Variants in KCNQ5 observed in about 807,000 individuals in gnomAD.
KCNQ5 encodes the protein potassium voltage-gated channel subfamily Q member 5, also known as potassium voltage-gated channel subfamily KQT member 5.
KCNQ5 carries 30 observed loss-of-function variants against 98.2 expected under a neutral mutation model. The ratio of observed to expected loss-of-function variants is 0.31; its 90% CI spans 0.23 to 0.41. The LOEUF (loss-of-function observed/expected upper bound fraction) is 0.41, where lower values mean the gene tolerates loss of function less well. Ranked by LOEUF, KCNQ5 falls within the 10% of genes least tolerant of loss-of-function variation. KCNQ5 has a pLI of 1.00. For missense variants in KCNQ5, 835 were observed against 1,182.5 expected, an observed-to-expected ratio of 0.71 and a Z score of 4.31; for synonymous variants, 458 against 449.4, an observed-to-expected ratio of 1.02 and a Z score of -0.24.
At chr6:72,980,471 T>A (rs1768384038) in intron 1 of KCNQ5, among the ~76,000 whole-genome samples, 2 of 152,206 alleles carry the variant, frequency 1.3e-5, no homozygotes, top group Admixed American at 1.3e-4. Flanking sequence ...GATTTGGCTC[T>A]GTTTGTCTGT....
chr6:73,067,868 A>G (rs1773123004), intron 3 of KCNQ5, among the ~76,000 whole-genome samples: 1 of 348 alleles, frequency 2.9e-3, no homozygotes, highest in Non-Finnish European at 0.012. Context: ...CAAAAGATAT[A>G]TATATATATA....
intron 1 of KCNQ5, among the ~76,000 whole-genome samples, chr6:72,852,782 T>C (rs964584266): frequency 1.3e-5 from 2 of 150,666 alleles, no homozygotes; most frequent in Non-Finnish European, 3.0e-5. Context: ...GTCAAACAAT[T>C]ATATAAACAT....
intron 1 of KCNQ5, among the ~76,000 whole-genome samples, chr6:72,703,608 C>T (rs188941841): frequency 2.7e-4 from 41 of 152,268 alleles, no homozygotes; most frequent in African/African-American, 9.1e-4. Flanking sequence ...TTCCTGTAAA[C>T]AAGCATTTGC....
At chr6:73,093,941 A>C (rs1421964954) in intron 5 of KCNQ5, among the ~76,000 whole-genome samples, 1 of 152,126 alleles carries the variant, frequency 6.6e-6, no homozygotes, top group Non-Finnish European at 1.5e-5. Context: ...GGTATAGTTT[A>C]AATCCATTGT....
At chr6:73,014,427 G>A (rs1162077106) in intron 2 of KCNQ5, among the ~76,000 whole-genome samples, 1 of 152,056 alleles carries the variant, frequency 6.6e-6, no homozygotes, top group African/African-American at 2.4e-5. Flanking sequence ...GCCTGTCTCA[G>A]TATATTTGCT....
chr6:72,960,315 A>G (rs1188942958), intron 1 of KCNQ5, among the ~76,000 whole-genome samples: 1 of 152,214 alleles, frequency 6.6e-6, no homozygotes, highest in African/African-American at 2.4e-5. Flanking sequence ...TGAAATAAAC[A>G]TCTCCAGTCC....
In KCNQ5 at chr6:72,835,508, C is replaced by T. The variant is rs1302529168; in HGVS notation, c.399-168400C>T. 2.6e-5 allele frequency among the ~76,000 whole-genome samples: 4 copies of T among 152,092 alleles called. No homozygotes were observed. The South Asian group carries it at 8.3e-4, about 32-fold the overall frequency. On this transcript the variant is annotated intron_variant, in intron 1 of 13. Coordinates refer to ENST00000370398, the MANE Select transcript of KCNQ5 (RefSeq NM_019842.4). ...TCACAAAATAAGGAATATATTTTTT[C>T]ATCAATGAAATTTCACTCACTATTT...
At chr6:72,670,647 G>C (rs1388048698) in intron 1 of KCNQ5, among the ~76,000 whole-genome samples, 1 of 152,234 alleles carries the variant, frequency 6.6e-6, no homozygotes, top group East Asian at 1.9e-4. Flanking sequence ...AAGTCCCAGA[G>C]TGAGGTGCCA....
At chr6:72,639,852 TAAA>T (rs2098926246) in intron 1 of KCNQ5, among the ~76,000 whole-genome samples, 2 of 151,698 alleles carry the variant, frequency 1.3e-5, no homozygotes, top group African/African-American at 2.4e-5. Context: ...TCTGTACAAA[TAAA>T]AAAGCCTCAG....
intron 11 of KCNQ5, 121 bp from the exon 12 acceptor site, chr6:73,190,452 A>T: frequency 2.1e-6 from 1 of 480,408 alleles, no homozygotes; most frequent in Non-Finnish European, 3.4e-6. Flanking sequence ...TGCAGAAGCC[A>T]AAAATAATTT....
intron 7 of KCNQ5, among the ~76,000 whole-genome samples, chr6:73,116,502 C>CA (rs1379697801): frequency 2.0e-5 from 3 of 151,960 alleles, no homozygotes; most frequent in African/African-American, 4.8e-5. Flanking sequence ...CCCACCTCTA[C>CA]AAAAAAATTT....
intron 1 of KCNQ5, chr6:72,987,324 C>T: frequency 1.4e-6 from 1 of 705,604 alleles, no homozygotes; most frequent in East Asian, 3.0e-5. Context: ...GGACGAGGCG[C>T]ACATAGACCA....
chr6:73,075,217 T>G (rs1051000516), intron 3 of KCNQ5, among the ~76,000 whole-genome samples: 2 of 128,310 alleles, frequency 1.6e-5, no homozygotes, highest in Non-Finnish European at 3.2e-5. Flanking sequence ...AATCAGCGTA[T>G]AGTCTCACTT....
chr6:72,743,274 G>A (rs1403285151), intron 1 of KCNQ5, among the ~76,000 whole-genome samples: 1 of 151,436 alleles, frequency 6.6e-6, no homozygotes, highest in Non-Finnish European at 1.5e-5. Flanking sequence ...CTTCACTGGT[G>A]CTGAATCAAA....
At chr6:73,111,885 A>G (rs986829482) in intron 7 of KCNQ5, among the ~76,000 whole-genome samples, 1 of 152,236 alleles carries the variant, frequency 6.6e-6, no homozygotes, top group South Asian at 2.1e-4. Flanking sequence ...CATCTAGGGC[A>G]GTTAGCGGAA....
intron 1 of KCNQ5, among the ~76,000 whole-genome samples, chr6:72,969,774 T>C (rs550377074): frequency 1.4e-3 from 216 of 152,332 alleles, no homozygotes; most frequent in African/African-American, 5.1e-3. Flanking sequence ...TTGCGGCTCT[T>C]TCCCTATTAT....
At chr6:72,878,644 G>T (rs184603386) in intron 1 of KCNQ5, among the ~76,000 whole-genome samples, 2 of 152,258 alleles carry the variant, frequency 1.3e-5, no homozygotes, top group East Asian at 3.9e-4. Context: ...AAGAAATGGT[G>T]ACATTTTCCC....
rs189342338 is a variant in KCNQ5 at position 72,626,284 on chromosome 6, C to T, written c.398+3697C>T. 1.6e-3 allele frequency among the ~76,000 whole-genome samples: 239 copies of T among 152,320 alleles called. 1 individual carries two copies. Among genetic ancestry groups the T allele is most frequent in the African/African-American group, 5.6e-3 (234 of 41,562 alleles). Reference sequence around the variant, plus strand: ...CTTCAAAGGGGAAGTGAGGTGTAAGCTGAGTTTCCACAAATGAGTAGTTAA... The same window carrying T: ...CTTCAAAGGGGAAGTGAGGTGTAAGTTGAGTTTCCACAAATGAGTAGTTAA... On this transcript the variant is annotated intron_variant, in intron 1 of 13. Transcript: ENST00000370398.
chr6:73,169,692 CAT>C (rs1301827171), intron 10 of KCNQ5, 52 bp from the exon 11 acceptor site: 3 of 1,285,576 alleles, frequency 2.3e-6, no homozygotes, highest in African/African-American at 1.5e-5. Context: ...AATTCAGCAA[CAT>C]GTTTCAAATT....
Sources: allele counts gnomAD v4.1 joint callset (sites outside exome capture counted in the v4.1 genomes callset), GRCh38; gene constraint gnomAD v4.1.1; transcripts MANE v1.5; gene names NCBI Gene and HGNC (gene_info 2026-07-23, HGNC 2026-07-21).